The following GABBR2 variants were observed in gnomAD, a reference collection of about 807,000 sequenced individuals.
GABBR2 encodes the protein G-protein coupled receptor 51.
Under a neutral mutation model 105.6 loss-of-function variants are expected in GABBR2, and 23 were observed. That is an observed-to-expected ratio of 0.22 (90% confidence interval 0.16 to 0.31). GABBR2 has a LOEUF of 0.31. Ranked by LOEUF, GABBR2 falls within the 10% of genes least tolerant of loss-of-function variation. The pLI is 1.00. For synonymous variants in GABBR2, 478 were observed against 499.7 expected (o/e 0.96, Z 0.58); for missense variants, 734 against 1,245.5 (o/e 0.59, Z 6.18).
chr9:98,595,714 T>C (rs1829225456), intron 1 of GABBR2, among the ~76,000 whole-genome samples: 1 of 151,808 alleles, frequency 6.6e-6, no homozygotes, highest in Non-Finnish European at 1.5e-5. Flanking sequence ...TAAATAATGA[T>C]ATACAAAAGC....
intron 1 of GABBR2, among the ~76,000 whole-genome samples, chr9:98,701,063 A>G (rs546912724): frequency 1.3e-5 from 2 of 152,308 alleles, no homozygotes; most frequent in African/African-American, 4.8e-5. Flanking sequence ...GATACTATCC[A>G]TTTAGTACCC....
intron 1 of GABBR2, among the ~76,000 whole-genome samples, chr9:98,630,069 C>T (rs753244040): frequency 6.6e-6 from 1 of 152,074 alleles, no homozygotes; most frequent in Non-Finnish European, 1.5e-5. Context: ...CAAATCCCAC[C>T]CTACCTATGG....
intron 7 of GABBR2, among the ~76,000 whole-genome samples, chr9:98,408,047 GTCCTGGTACAGGACAGGTGC>G (rs1832520387): frequency 6.6e-6 from 1 of 152,132 alleles, no homozygotes; most frequent in African/African-American, 2.4e-5. Flanking sequence ...CCAAGCACAG[GTCCTGGTACAGGACAGGTGC>G]TCAGCAAATG....
In GABBR2 at chr9:98,344,482, C is replaced by T. The variant is rs79566496; in HGVS notation, c.1893+18233G>A. ...AAGGCTGAGATGGGATGCAGGAGCACTGAGCACAGGGCCAGTTCATGGGAC... is the reference window on the plus strand; with the variant it reads ...AAGGCTGAGATGGGATGCAGGAGCATTGAGCACAGGGCCAGTTCATGGGAC... On this transcript the variant is annotated intron_variant, in intron 13 of 18. Transcript: ENST00000259455. Among the ~76,000 whole-genome samples the T allele has an allele frequency of 7.3e-4, 111 of 152,352 alleles. No individual in the cohort carries two copies. In the East Asian group the frequency reaches 0.02, roughly 28 times the overall value.
At chr9:98,594,799 C>A (rs1344540795) in intron 1 of GABBR2, among the ~76,000 whole-genome samples, 1 of 152,192 alleles carries the variant, frequency 6.6e-6, no homozygotes, top group Non-Finnish European at 1.5e-5. Flanking sequence ...GGAAGTAATG[C>A]TGGGAAGCCC....
At chr9:98,475,463 C>A (rs963496519) in intron 5 of GABBR2, among the ~76,000 whole-genome samples, 2 of 152,104 alleles carry the variant, frequency 1.3e-5, no homozygotes, top group African/African-American at 2.4e-5. Context: ...AATGGCAGAG[C>A]CTGTAAGACT....
At chr9:98,705,197 C>T (rs939243065) in intron 1 of GABBR2, among the ~76,000 whole-genome samples, 5 of 152,144 alleles carry the variant, frequency 3.3e-5, no homozygotes, top group East Asian at 1.9e-4. Flanking sequence ...AATATATAAA[C>T]GAGTATTTGC....
At chr9:98,333,547 CCT>C (rs1831064167) in intron 13 of GABBR2, among the ~76,000 whole-genome samples, 1 of 152,142 alleles carries the variant, frequency 6.6e-6, no homozygotes, top group East Asian at 1.9e-4. Flanking sequence ...GGCCTTCTCC[CCT>C]GTGTCTGTGT....
chr9:98,553,041 A>T (rs1424954276), intron 2 of GABBR2, among the ~76,000 whole-genome samples: 1 of 151,158 alleles, frequency 6.6e-6, no homozygotes, highest in East Asian at 2.0e-4. Flanking sequence ...ATGCCTGGCT[A>T]TTTTTTTTAT....
At chr9:98,568,013 T>TGGAC (rs1350251699) in intron 2 of GABBR2, among the ~76,000 whole-genome samples, 2 of 152,178 alleles carry the variant, frequency 1.3e-5, no homozygotes, top group African/African-American at 4.8e-5. Context: ...AATGAATGAT[T>TGGAC]GGATGGATGG....
At position 98,308,666 on chromosome 9, in the gene GABBR2, A is replaced by G. The variant is rs78143601; in HGVS notation, c.2005-2321T>C. ...GGAGACAGAGGCAGAAACTAGAGTC[A>G]TGCGGTCACAAGCCAAGGCATGCCT... On this transcript the variant is annotated intron_variant, in intron 14 of 18. Transcript: ENST00000259455. Among the ~76,000 whole-genome samples the G allele has an allele frequency of 1.7e-3, 260 of 152,292 alleles. 1 individual carries two copies. Among genetic ancestry groups the G allele is most frequent in the African/African-American group, 6.2e-3 (256 of 41,562 alleles).
chr9:98,438,684 C>G (rs1825977160), intron 7 of GABBR2, among the ~76,000 whole-genome samples: 1 of 152,186 alleles, frequency 6.6e-6, no homozygotes, highest in Non-Finnish European at 1.5e-5. Context: ...TGACTCTGCT[C>G]TGTTCAGTGG....
chr9:98,471,834 T>C (rs1826688391), intron 6 of GABBR2, among the ~76,000 whole-genome samples: 1 of 152,236 alleles, frequency 6.6e-6, no homozygotes, highest in Non-Finnish European at 1.5e-5. Context: ...TTGACACCTT[T>C]AAAAATAACA....
At chr9:98,552,224 G>C (rs936041983) in intron 2 of GABBR2, 13 of 152,176 alleles carry the variant, frequency 8.5e-5, no homozygotes, top group African/African-American at 3.1e-4. Flanking sequence ...CCGGGCAGGG[G>C]GGACCACAGT....
chr9:98,539,630 C>T (rs1056470920), intron 3 of GABBR2, among the ~76,000 whole-genome samples: 2 of 152,050 alleles, frequency 1.3e-5, no homozygotes, highest in Non-Finnish European at 2.9e-5. Context: ...TAGAAAAAAG[C>T]AGGTCTGGCC....
At chr9:98,666,641 G>A (rs1158058190) in intron 1 of GABBR2, among the ~76,000 whole-genome samples, 2 of 152,104 alleles carry the variant, frequency 1.3e-5, no homozygotes, top group Admixed American at 6.6e-5. Context: ...CCAAGTAGCT[G>A]GGATTACGGG....
chr9:98,319,601 T>A (rs1830784046), intron 13 of GABBR2, among the ~76,000 whole-genome samples: 1 of 151,912 alleles, frequency 6.6e-6, no homozygotes, highest in South Asian at 2.1e-4. Context: ...CTGGGTGGGG[T>A]GCACAGAACC....
chr9:98,603,481 CT>C (rs1829370971), intron 1 of GABBR2, among the ~76,000 whole-genome samples: 1 of 152,182 alleles, frequency 6.6e-6, no homozygotes, highest in Non-Finnish European at 1.5e-5. Context: ...TGATATTATT[CT>C]CTCAAGATCC....
At chr9:98,445,740 T>C (rs955521472) in intron 7 of GABBR2, among the ~76,000 whole-genome samples, 5 of 152,194 alleles carry the variant, frequency 3.3e-5, no homozygotes, top group African/African-American at 1.2e-4. Context: ...GAGGCACCAA[T>C]TGCCCAATCC....
Sources: gnomAD v4.1 joint callset for allele counts (sites outside exome capture counted in the v4.1 genomes callset) on GRCh38, gnomAD v4.1.1 for gene constraint, MANE v1.5 for transcripts, NCBI Gene and HGNC (gene_info 2026-07-23, HGNC 2026-07-21) for gene names.